Variants in POU2F1 observed in about 807,000 individuals in gnomAD.
The protein encoded by POU2F1 is POU class 2 homeobox 1.
A neutral mutation model predicts 84.9 loss-of-function variants in POU2F1; 16 were observed. The observed-to-expected ratio is 0.19, with a 90% confidence interval of 0.13 to 0.29. The LOEUF (loss-of-function observed/expected upper bound fraction) is 0.29, where lower values mean the gene tolerates loss of function less well. Among genes scored for constraint, POU2F1 ranks in the 10% least tolerant of loss-of-function variants. The probability of loss-of-function intolerance (pLI) is 1.00; values close to 1 mark genes in which losing one functional copy is unlikely to be tolerated. For synonymous variants in POU2F1, 368 were observed against 368.3 expected (o/e 1.00, Z 0.01); for missense variants, 738 against 942.6 (o/e 0.78, Z 2.84).
At chr1:167,270,679 A>G (rs575653579) in intron 1 of POU2F1, among the ~76,000 whole-genome samples, 4 of 152,194 alleles carry the variant, frequency 2.6e-5, no homozygotes, top group Non-Finnish European at 5.9e-5. Context: ...TTCAGGAGAA[A>G]TCACTCCATA....
In POU2F1 at chr1:167,316,397, G is replaced by A. The variant is rs549410673; in HGVS notation, c.62-16073G>A. 7.9e-5 allele frequency among the ~76,000 whole-genome samples: 12 copies of A among 152,308 alleles called. No homozygotes were observed. The South Asian group carries it at 2.1e-3, about 26-fold the overall frequency. ...TAGTTGCTATAGGATTTCAGAAGAA[G>A]AAATAGTTCCTTGATAACTAGGAGA... On this transcript the variant is annotated intron_variant, in intron 1 of 15. Transcript: ENST00000367866.
intron 3 of POU2F1, among the ~76,000 whole-genome samples, chr1:167,368,500 G>A (rs1659824655): frequency 1.3e-5 from 2 of 152,052 alleles, no homozygotes; most frequent in Admixed American, 1.3e-4. Flanking sequence ...TAAAGACTGT[G>A]TAAATATCCC....
chr1:167,381,603 C>CTTTTTTTTT (rs147770215), intron 7 of POU2F1, among the ~76,000 whole-genome samples: 2 of 65,986 alleles, frequency 3.0e-5, no homozygotes, highest in Non-Finnish European at 5.4e-5. Context: ...GCTCTCTTCT[C>CTTTTTTTTT]TTTTTTTTTT....
chr1:167,232,389 A>C (rs1206441302), intron 1 of POU2F1, among the ~76,000 whole-genome samples: 1 of 152,192 alleles, frequency 6.6e-6, no homozygotes, highest in Non-Finnish European at 1.5e-5. Context: ...TTTGTGTCTT[A>C]GTTGTTAACA....
chr1:167,346,463 C>A (rs1658208962), intron 2 of POU2F1, among the ~76,000 whole-genome samples: 1 of 152,206 alleles, frequency 6.6e-6, no homozygotes, highest in Admixed American at 6.5e-5. Flanking sequence ...CAGCCCCCAA[C>A]CTTTTTGGCC....
At chr1:167,273,896 A>G (rs1652546277) in intron 1 of POU2F1, among the ~76,000 whole-genome samples, 1 of 152,242 alleles carries the variant, frequency 6.6e-6, no homozygotes, top group African/African-American at 2.4e-5. Context: ...AAGATATAAA[A>G]GCCATAGTTT....
In POU2F1 at chr1:167,374,185, GCAGCAGCACTCCGCCAGC is replaced by G; in HGVS notation, c.490_507del (p.Ser166_Ala171del). The G allele has an allele frequency of 6.2e-7, 1 of 1,613,544 alleles. No individual in the cohort carries two copies. The highest frequency in any genetic ancestry group is 1.1e-5 in the South Asian group (1 of 91,054). On this transcript the variant is annotated inframe_deletion, in exon 6 of 16. Coordinates refer to ENST00000367866, the MANE Select transcript of POU2F1 (RefSeq NM_002697.4). ...AGGCACAGCTGCTGGCTGCTGCAGT[GCAGCAGCACTCCGCCAGC>G]CAGCAGCACAGTGCTGCTGGAGCCA... is the stretch of plus-strand genomic sequence containing the variant.
At chr1:167,382,641 T>C (rs1383565434) in intron 7 of POU2F1, among the ~76,000 whole-genome samples, 1 of 152,222 alleles carries the variant, frequency 6.6e-6, no homozygotes, top group Admixed American at 6.5e-5. Flanking sequence ...GGAAGGAGGA[T>C]GGTCATTTAA....
chr1:167,306,547 C>T (rs1300114187), intron 1 of POU2F1, among the ~76,000 whole-genome samples: 4 of 152,120 alleles, frequency 2.6e-5, no homozygotes, highest in African/African-American at 7.2e-5. Flanking sequence ...GCATAATTCT[C>T]ATTTTTCAAA....
chr1:167,292,226 C>T (rs141943662), intron 1 of POU2F1, among the ~76,000 whole-genome samples: 256 of 152,038 alleles, frequency 1.7e-3, no homozygotes, highest in African/African-American at 6.0e-3. Context: ...GGAGAAATGA[C>T]ACAAATGCCA....
At chr1:167,350,634 A>G (rs1206041598) in intron 2 of POU2F1, among the ~76,000 whole-genome samples, 1 of 150,424 alleles carries the variant, frequency 6.6e-6, no homozygotes. Context: ...AGATCTTGCC[A>G]CTGCACTTCA....
intron 8 of POU2F1, among the ~76,000 whole-genome samples, chr1:167,386,973 A>T (rs933263031): frequency 3.3e-5 from 5 of 152,230 alleles, no homozygotes; most frequent in African/African-American, 7.2e-5. Flanking sequence ...AATTAGTAGC[A>T]GTTGTATGAC....
intron 2 of POU2F1, among the ~76,000 whole-genome samples, chr1:167,350,394 T>C (rs1156939330): frequency 1.3e-5 from 2 of 152,348 alleles, no homozygotes; most frequent in African/African-American, 2.4e-5. Flanking sequence ...ACTTTCTTAC[T>C]CTGATTTAAT....
In POU2F1 at chr1:167,224,139, T is replaced by C. The variant is rs180915750; in HGVS notation, c.61+3181T>C. 7.2e-5 allele frequency among the ~76,000 whole-genome samples: 11 copies of C among 152,366 alleles called. No individual in the cohort carries two copies. In the East Asian group the frequency reaches 2.1e-3, roughly 29 times the overall value. ...GGATGGATGTTGTTAACTGGCCTTATATTTTGGTTCACTTTTAATGCTATT... is the reference window on the plus strand; with the variant it reads ...GGATGGATGTTGTTAACTGGCCTTACATTTTGGTTCACTTTTAATGCTATT... On this transcript the variant is annotated intron_variant, in intron 1 of 15. Coordinates refer to ENST00000367866, the MANE Select transcript of POU2F1 (RefSeq NM_002697.4).
At chr1:167,390,168 GA>G (rs1648292875) in intron 9 of POU2F1, among the ~76,000 whole-genome samples, 1 of 152,206 alleles carries the variant, frequency 6.6e-6, no homozygotes, top group South Asian at 2.1e-4. Flanking sequence ...CATGTCCAAA[GA>G]GGCTTCTAAG....
intron 1 of POU2F1, chr1:167,329,028 C>A: frequency 8.8e-7 from 1 of 1,133,598 alleles, no homozygotes; most frequent in Non-Finnish European, 1.1e-6. Flanking sequence ...TCAGTCCTAG[C>A]TGGTAGGAGA....
Position 167,221,888 on chromosome 1 carries a change from G to C in POU2F1, c.61+930G>C, listed in dbSNP as rs1019792684. On this transcript the variant is annotated intron_variant, in intron 1 of 15. Coordinates refer to ENST00000367866, the MANE Select transcript of POU2F1 (RefSeq NM_002697.4). Reference sequence around the variant, plus strand: ...AGTTCCTTCCGAGGGGATGTCCTCTGGGGCGGCCCGCGCGCCCCCGGCCGG... The same window carrying C: ...AGTTCCTTCCGAGGGGATGTCCTCTCGGGCGGCCCGCGCGCCCCCGGCCGG... Among the ~76,000 whole-genome samples the C allele has an allele frequency of 2.0e-5, 3 of 151,864 alleles. No homozygotes were observed. In the East Asian group the frequency reaches 5.9e-4, roughly 30 times the overall value.
At chr1:167,413,987 TAAAA>T (rs372662250) in intron 15 of POU2F1, among the ~76,000 whole-genome samples, 2 of 126,436 alleles carry the variant, frequency 1.6e-5, no homozygotes, top group Non-Finnish European at 3.4e-5. Flanking sequence ...ACCCTGTTTC[TAAAA>T]AAAAAAAAAA....
intron 1 of POU2F1, among the ~76,000 whole-genome samples, chr1:167,311,747 C>T (rs1313285179): frequency 1.3e-5 from 2 of 151,222 alleles, no homozygotes; most frequent in Non-Finnish European, 1.5e-5. Context: ...GTATTTTAAG[C>T]TACTATGGGT....
Sources: allele counts gnomAD v4.1 joint callset (sites outside exome capture counted in the v4.1 genomes callset), GRCh38; gene constraint gnomAD v4.1.1; transcripts MANE v1.5; gene names NCBI Gene and HGNC (gene_info 2026-07-23, HGNC 2026-07-21).